SYNE1: variants seen among roughly 807,000 people sequenced by gnomAD.
SYNE1 encodes nesprin-1.
A neutral mutation model predicts 1,111.0 loss-of-function variants in SYNE1; 616 were observed. That is an observed-to-expected ratio of 0.55 (90% CI 0.52 to 0.59). The LOEUF (loss-of-function observed/expected upper bound fraction) is 0.59, where lower values mean the gene tolerates loss of function less well. Among genes scored for constraint, SYNE1 ranks in the 20% least tolerant of loss-of-function variants. The probability of loss-of-function intolerance (pLI) is 0.00; values close to 1 mark genes in which losing one functional copy is unlikely to be tolerated. For synonymous variants in SYNE1, 3,855 were observed against 3,825.8 expected, an observed-to-expected ratio of 1.01 and a Z score of -0.28; for missense variants, 10,006 against 10,417.0, an observed-to-expected ratio of 0.96 and a Z score of 1.72.
At chr6:152,522,646 G>A (rs1213571463) in intron 5 of SYNE1, among the ~76,000 whole-genome samples, 1 of 152,084 alleles carries the variant, frequency 6.6e-6, no homozygotes, top group Non-Finnish European at 1.5e-5. Context: ...TTTCCATAAA[G>A]GTTGTATTAA....
In SYNE1 at chr6:152,419,579, G is replaced by C. The variant is rs1057488084; in HGVS notation, c.5411C>G (p.Thr1804Ser). ...ISIMDHQVAL[T>S]RHKDHAAEVE... ...AAAAAACCACTTTACCTTATGCCGA[G>C]TAAGGGCTACTTGATGGTCCATTAT... The change falls in exon 40 of 146, where the codon ACT (threonine) becomes AGT (serine). Residue 1804 changes from threonine (T) to serine (S), a missense_variant. Thr to Ser is a moderately conservative substitution (Grantham distance 58). Transcript: ENST00000367255. 6.2e-7 allele frequency: 1 copy of C among 1,612,204 alleles called. No homozygotes were observed. Among genetic ancestry groups the C allele is most frequent in the East Asian group, 2.2e-5 (1 of 44,820 alleles).
rs936386844 is a variant in SYNE1 at position 152,407,300 on chromosome 6, C to T, written c.6541-104G>A. 200 of 1,138,504 alleles carry T rather than the reference C, an allele frequency of 1.8e-4. 1 individual carries two copies. The East Asian group carries it at 4.5e-3, about 26-fold the overall frequency. The allele number at this position is 1,138,504 out of a possible 1,614,324, so 70.5% of individuals were successfully genotyped here. A position where few individuals can be genotyped will look rare whatever the true frequency, so the allele number is the denominator to read the frequency against. On this transcript the variant is annotated intron_variant, in intron 44 of 145. Transcript: ENST00000367255. Reference sequence around the variant, plus strand: ...CTTTTATCAGAAAAGTATATTCTGACGGACAAACAGTTCCACAAAAATTAT... The same window carrying T: ...CTTTTATCAGAAAAGTATATTCTGATGGACAAACAGTTCCACAAAAATTAT...
At chr6:152,419,849 C>T (rs1166037665) in intron 39 of SYNE1, 127 bp from the exon 40 acceptor site, 1 of 925,934 alleles carries the variant, frequency 1.1e-6, no homozygotes, top group East Asian at 2.7e-5. Context: ...CTCTATACCT[C>T]TTGATATTTT....
intron 3 of SYNE1, among the ~76,000 whole-genome samples, chr6:152,605,035 A>AGGGG (rs1343910665): frequency 3.6e-5 from 1 of 28,122 alleles, no homozygotes; most frequent in Non-Finnish European, 6.3e-5. Context: ...AGAGAGAGAG[A>AGGGG]GGGAGGGAGG....
rs779774954 is a variant in SYNE1 at position 152,310,408 on chromosome 6, G to C, written c.17007C>G (p.Leu5669=). 9 of 1,614,180 alleles carry C rather than the reference G, an allele frequency of 5.6e-6. No individual in the cohort carries two copies. In the South Asian group the frequency reaches 9.9e-5, roughly 18 times the overall value. Residue 5669 remains leucine, a synonymous_variant, in exon 89 of 146, where the codon CTC becomes CTG. Transcript: ENST00000367255. ...TAGTTTGGCTTACCTGCCGATGAGA[G>C]AGCTGCTCCTTGAGACTGAGACGTC... is the stretch of plus-strand genomic sequence containing the variant. ...EVGRLSLKEQ[L]SHRQHLLSEM... is the part of the protein sequence containing the mutation.
intron 42 of SYNE1, among the ~76,000 whole-genome samples, chr6:152,412,731 C>A (rs2098083732): frequency 6.8e-6 from 1 of 147,304 alleles, no homozygotes; most frequent in South Asian, 2.2e-4. Flanking sequence ...TTAAATTATA[C>A]CTCAATTACA....
Position 152,249,250 on chromosome 6 carries a change from C to T in SYNE1, c.19483G>A (p.Val6495Met), listed in dbSNP as rs553508431. 58 of 1,610,522 alleles carry T rather than the reference C, an allele frequency of 3.6e-5. 1 individual carries two copies. The East Asian group carries it at 7.6e-4, about 21-fold the overall frequency. ...QILNFQNDLK[V>M]LFTSLADNKY... ...TTGTCAGCCAGTGATGTAAACAGCA[C>T]TTTCAGATCATTCTAAGGAGGAAAG... The change falls in exon 105 of 146, where the codon GTG becomes ATG. Residue 6495 changes from valine (V) to methionine (M), a missense_variant. Transcript: ENST00000367255.
At chr6:152,422,179 T>G (rs2154190428) in intron 39 of SYNE1, among the ~76,000 whole-genome samples, 1 of 152,380 alleles carries the variant, frequency 6.6e-6, no homozygotes, top group South Asian at 2.1e-4. Flanking sequence ...CTGTTCAGAT[T>G]GCTACTGCAA....
intron 51 of SYNE1, among the ~76,000 whole-genome samples, chr6:152,393,156 C>A (rs4506057): frequency 0.051 from 7,796 of 152,102 alleles, 346 homozygotes; most frequent in South Asian, 0.19. Flanking sequence ...CTTATCAATG[C>A]GAAAAAGTCG....
At position 152,416,086 on chromosome 6, in the gene SYNE1, A is replaced by G. The variant is rs545167136; in HGVS notation, c.6050+301T>C. 2.0e-5 allele frequency among the ~76,000 whole-genome samples: 3 copies of G among 152,340 alleles called. No homozygotes were observed. The South Asian group carries it at 6.2e-4, about 32-fold the overall frequency. On this transcript the variant is annotated intron_variant, in intron 41 of 145. Coordinates refer to ENST00000367255, the MANE Select transcript of SYNE1 (RefSeq NM_182961.4). ...AAGAGAAAAGAAGCAGGCAGGGAAT[A>G]GTCAATTACGAATTCATCTCGTGCT...
At chr6:152,477,155 A>G (rs1344543271) in intron 14 of SYNE1, among the ~76,000 whole-genome samples, 2 of 152,198 alleles carry the variant, frequency 1.3e-5, no homozygotes, top group Admixed American at 1.3e-4. Context: ...GAGCCTGAAT[A>G]TGGGGAGACA....
intron 2 of SYNE1, among the ~76,000 whole-genome samples, chr6:152,630,544 T>C (rs2099696336): frequency 6.6e-6 from 1 of 152,186 alleles, no homozygotes; most frequent in Admixed American, 6.5e-5. Flanking sequence ...GAATAATAGA[T>C]AGTGAAAAGT....
chr6:152,225,939 A>T, intron 115 of SYNE1, 63 bp from the exon 116 acceptor site: 1 of 1,539,716 alleles, frequency 6.5e-7, no homozygotes, highest in Non-Finnish European at 8.9e-7. Flanking sequence ...GGTGCACTGA[A>T]ATTGGGCCAT....
intron 78 of SYNE1, among the ~76,000 whole-genome samples, chr6:152,329,409 C>G (rs2096184503): frequency 6.6e-6 from 1 of 152,162 alleles, no homozygotes; most frequent in African/African-American, 2.4e-5. Context: ...TGCCTGTAAT[C>G]CCAGCTACTC....
chr6:152,387,187 T>C lies in SYNE1; in HGVS notation c.8372A>G (p.His2791Arg), dbSNP rs1309081856. 2.5e-6 allele frequency: 4 copies of C among 1,614,072 alleles called. No homozygotes were observed. The highest frequency in any genetic ancestry group is 2.7e-5 in the African/African-American group (2 of 74,924). ...CTCCCTGGACTTCGCAATTAGACGG[T>C]GAAGGGCTCTCGTGTGATCTTCTGC... ...SEAEDHTRAL[H>R]RLIAKSRELY... Residue 2791 changes from histidine (H) to arginine (R), a missense_variant, in exon 54 of 146, where the codon CAC becomes CGC. Coordinates refer to ENST00000367255, the MANE Select transcript of SYNE1 (RefSeq NM_182961.4).
Position 152,253,855 on chromosome 6 carries a change from T to C in SYNE1, c.19470+1025A>G, listed in dbSNP as rs1236246630. ...TTTTTTTTTTTTTTTTTTTTTTTTT[T>C]TTTTTGCAAATCAAAACTCCACATG... is the stretch of plus-strand genomic sequence containing the variant. On this transcript the variant is annotated intron_variant, in intron 104 of 145. Transcript: ENST00000367255. Among the ~76,000 whole-genome samples the C allele has an allele frequency of 3.3e-5, 4 of 120,900 alleles. No individual in the cohort carries two copies. In the East Asian group the frequency reaches 1.1e-3, roughly 33 times the overall value. The allele number at this position is 120,900 out of a possible 152,430, so 79.3% of individuals were successfully genotyped here. A position where few individuals can be genotyped will look rare whatever the true frequency, so the allele number is the denominator to read the frequency against.
At position 152,502,608 on chromosome 6, in the gene SYNE1, A is replaced by T. The variant is rs1327589421; in HGVS notation, c.888+25T>A. Reference sequence around the variant, plus strand: ...GTCACTGTCATTGCATATACCAGTGATACTTGAAGAAAGCAAATACCTACA... The same window carrying T: ...GTCACTGTCATTGCATATACCAGTGTTACTTGAAGAAAGCAAATACCTACA... On this transcript the variant is annotated intron_variant, in intron 10 of 145. Transcript: ENST00000367255. 3 of 1,540,840 alleles carry T rather than the reference A, an allele frequency of 1.9e-6. No homozygotes were observed. The African/African-American group carries it at 4.1e-5, about 21-fold the overall frequency.
intron 95 of SYNE1, among the ~76,000 whole-genome samples, chr6:152,292,283 G>C (rs1364882459): frequency 1.3e-5 from 2 of 152,164 alleles, no homozygotes; most frequent in East Asian, 3.9e-4. Flanking sequence ...CCATCCTCCT[G>C]ATTGGTCTGG....
intron 3 of SYNE1, among the ~76,000 whole-genome samples, chr6:152,591,072 C>T (rs1322520): frequency 0.66 from 100,248 of 151,998 alleles, 34,210 homozygotes; most frequent in African/African-American, 0.82. Context: ...TCAGCAGTGT[C>T]TTGTAATTCT....
Sources: allele counts gnomAD v4.1 joint callset (sites outside exome capture counted in the v4.1 genomes callset), GRCh38; gene constraint gnomAD v4.1.1; transcripts MANE v1.5; gene names NCBI Gene and HGNC (gene_info 2026-07-23, HGNC 2026-07-21).